PRELID2: variants seen among roughly 807,000 people sequenced by gnomAD.
PRELID2 encodes the protein PRELI domain containing 2, also known as PRELI domain-containing protein 2.
A neutral mutation model predicts 28.4 loss-of-function variants in PRELID2; 25 were observed. The ratio of observed to expected loss-of-function variants is 0.88; its 90% CI spans 0.64 to 1.23. The LOEUF (loss-of-function observed/expected upper bound fraction) is 1.23. Among genes scored for constraint, PRELID2 ranks in the 50% most tolerant of loss-of-function variants. The pLI is 0.00. For synonymous variants in PRELID2, 76 were observed against 71.6 expected, an observed-to-expected ratio of 1.06 and a Z score of -0.31; for missense variants, 201 against 214.4, an observed-to-expected ratio of 0.94 and a Z score of 0.39.
chr5:145,651,866 C>A (rs773817896), intron 1 of PRELID2, among the ~76,000 whole-genome samples: 2 of 152,200 alleles, frequency 1.3e-5, no homozygotes, highest in Non-Finnish European at 2.9e-5. Context: ...TCCAAAGGAA[C>A]GCAGCTCCTC....
At chr5:145,464,914 T>C in the PRELID2 span, among the ~76,000 whole-genome samples, 46 of 152,148 alleles carry the variant, frequency 3.0e-4, no homozygotes, top group Non-Finnish European at 6.2e-4. Flanking sequence ...TACCTGACTT[T>C]GCCCTCTGGA....
intron 1 of PRELID2, among the ~76,000 whole-genome samples, chr5:145,515,973 T>C (rs1234146022): frequency 2.0e-5 from 3 of 152,126 alleles, no homozygotes; most frequent in Non-Finnish European, 4.4e-5. Flanking sequence ...ATAAACTAGG[T>C]ATCGATGGAG....
chr5:145,453,718 G>C, the PRELID2 span, among the ~76,000 whole-genome samples: 1 of 152,118 alleles, frequency 6.6e-6, no homozygotes, highest in Non-Finnish European at 1.5e-5. Flanking sequence ...CGCGGTGTTT[G>C]GTTTTCTGTT....
At chr5:145,446,173 G>A in the PRELID2 span, among the ~76,000 whole-genome samples, 1 of 151,794 alleles carries the variant, frequency 6.6e-6, no homozygotes, top group African/African-American at 2.4e-5. Context: ...TTGAGATAAT[G>A]GATATGCTAA....
chr5:145,296,474 G>A, the PRELID2 span, among the ~76,000 whole-genome samples: 1 of 151,798 alleles, frequency 6.6e-6, no homozygotes, highest in East Asian at 1.9e-4. Flanking sequence ...AGTTTACTGA[G>A]AATGATGATT....
chr5:145,260,336 C>T, the PRELID2 span, among the ~76,000 whole-genome samples: 42 of 151,920 alleles, frequency 2.8e-4, 1 homozygote, highest in Admixed American at 2.2e-3. Flanking sequence ...CAGAAATCAA[C>T]GAAACTAAAG....
intron 1 of PRELID2, among the ~76,000 whole-genome samples, chr5:145,491,350 C>G (rs1225101308): frequency 6.6e-6 from 1 of 152,032 alleles, no homozygotes; most frequent in Non-Finnish European, 1.5e-5. Context: ...GGCACTAGTC[C>G]CAGTCAGGAG....
intron 1 of PRELID2, among the ~76,000 whole-genome samples, chr5:145,621,851 C>T (rs1439000779): frequency 6.6e-6 from 1 of 152,072 alleles, no homozygotes; most frequent in African/African-American, 2.4e-5. Context: ...TTCGGATGTT[C>T]ATAACACAAA....
chr5:145,687,612 A>T (rs1755062012), intron 1 of PRELID2, among the ~76,000 whole-genome samples: 1 of 152,096 alleles, frequency 6.6e-6, no homozygotes, highest in African/African-American at 2.4e-5. Context: ...TACCTTTCAG[A>T]TTGTCTCTTT....
chr5:145,620,978 T>A (rs922906632), intron 1 of PRELID2, among the ~76,000 whole-genome samples: 10 of 152,142 alleles, frequency 6.6e-5, no homozygotes, highest in Admixed American at 5.2e-4. Flanking sequence ...AAAATAATTG[T>A]CAGCCTAAAG....
the PRELID2 span, among the ~76,000 whole-genome samples, chr5:145,415,939 T>C: frequency 2.5e-4 from 38 of 152,186 alleles, no homozygotes; most frequent in South Asian, 5.4e-3. Flanking sequence ...CTCTCCAGCA[T>C]CTGTTGTTTC....
At chr5:145,481,949 T>C (rs1752166078) in intron 1 of PRELID2, among the ~76,000 whole-genome samples, 1 of 152,218 alleles carries the variant, frequency 6.6e-6, no homozygotes, top group Non-Finnish European at 1.5e-5. Context: ...CTGTATTAGT[T>C]ATTGATGTAA....
chr5:145,670,473 A>C (rs1754684116), intron 1 of PRELID2, among the ~76,000 whole-genome samples: 1 of 152,004 alleles, frequency 6.6e-6, no homozygotes, highest in East Asian at 1.9e-4. Context: ...AAACCATATC[A>C]CCCATGAAGG....
chr5:145,392,801 C>T, the PRELID2 span, among the ~76,000 whole-genome samples: 1 of 152,110 alleles, frequency 6.6e-6, no homozygotes, highest in African/African-American at 2.4e-5. Context: ...AAAACATGAA[C>T]ACGAATGTTC....
intron 4 of PRELID2, among the ~76,000 whole-genome samples, chr5:145,809,435 T>C (rs1753780375): frequency 6.6e-6 from 1 of 152,228 alleles, no homozygotes; most frequent in Non-Finnish European, 1.5e-5. Context: ...AAAATGGTTT[T>C]CATGTAATGA....
the PRELID2 span, among the ~76,000 whole-genome samples, chr5:145,261,187 T>C: frequency 6.6e-6 from 1 of 152,224 alleles, no homozygotes. Context: ...GAGTCTGAGC[T>C]CAGACACACC....
At chr5:145,240,539 C>T in the PRELID2 span, among the ~76,000 whole-genome samples, 1 of 151,894 alleles carries the variant, frequency 6.6e-6, no homozygotes, top group Non-Finnish European at 1.5e-5. Context: ...GTGTATATCT[C>T]AACATTTATT....
intron 1 of PRELID2, among the ~76,000 whole-genome samples, chr5:145,740,811 A>C (rs1756672157): frequency 9.4e-6 from 1 of 105,978 alleles, no homozygotes; most frequent in African/African-American, 4.0e-5. Flanking sequence ...ATGTATATAC[A>C]TTATACATAT....
At chr5:145,600,428 A>T (rs1373725513) in intron 1 of PRELID2, among the ~76,000 whole-genome samples, 72 of 119,446 alleles carry the variant, frequency 6.0e-4, no homozygotes, top group South Asian at 7.0e-4. Flanking sequence ...GGGAAAAAAA[A>T]AAAAAAATAT....
Sources: gnomAD v4.1 joint callset for allele counts (sites outside exome capture counted in the v4.1 genomes callset) on GRCh38, gnomAD v4.1.1 for gene constraint, MANE v1.5 for transcripts, NCBI Gene and HGNC (gene_info 2026-07-23, HGNC 2026-07-21) for gene names.